ADCY3: variants seen among roughly 807,000 people sequenced by gnomAD.
ADCY3 encodes adenylate cyclase 3.
Under a neutral mutation model 119.4 loss-of-function variants are expected in ADCY3, and 70 were observed. That is an observed-to-expected ratio of 0.59 (90% CI 0.48 to 0.72). The LOEUF (loss-of-function observed/expected upper bound fraction) is 0.72, where lower values mean the gene tolerates loss of function less well. Ranked by LOEUF, ADCY3 falls within the 30% of genes least tolerant of loss-of-function variation. The probability of loss-of-function intolerance (pLI) is 0.00; values close to 1 mark genes in which losing one functional copy is unlikely to be tolerated. For missense variants in ADCY3, 1,238 were observed against 1,541.6 expected (o/e 0.80, Z 3.30); for synonymous variants, 672 against 621.4 (o/e 1.08, Z -1.21).
At chr2:24,877,901 C>G (rs768098816) in intron 2 of ADCY3, 6 of 471,182 alleles carry the variant, frequency 1.3e-5, no homozygotes, top group Non-Finnish European at 2.6e-5. Context: ...CTGCCCAGTC[C>G]CGGGTCCTGG....
chr2:24,876,619 G>A (rs556920324), intron 2 of ADCY3, among the ~76,000 whole-genome samples: 79 of 152,248 alleles, frequency 5.2e-4, no homozygotes, highest in Admixed American at 1.0e-3. Flanking sequence ...TAGGAGGGAC[G>A]GTGGCGTGAC....
intron 3 of ADCY3, among the ~76,000 whole-genome samples, chr2:24,863,716 C>T (rs1306686647): frequency 6.6e-6 from 1 of 152,180 alleles, no homozygotes; most frequent in Non-Finnish European, 1.5e-5. Flanking sequence ...ATTGTATATT[C>T]TTGCCAAATA....
chr2:24,831,595 C>T, intron 12 of ADCY3, 67 bp downstream of exon 12: 1 of 1,249,784 alleles, frequency 8.0e-7, no homozygotes, highest in South Asian at 1.2e-5. Flanking sequence ...TCCATCACTG[C>T]CCAGTTTTAC....
At position 24,879,146 on chromosome 2, in the gene ADCY3, C is replaced by A. The variant is rs190002932; in HGVS notation, c.676-6427G>T. Among the ~76,000 whole-genome samples, 30 of 152,244 alleles carry A rather than the reference C, an allele frequency of 2.0e-4. No individual in the cohort carries two copies. In the East Asian group the frequency reaches 4.4e-3, roughly 23 times the overall value. On this transcript the variant is annotated intron_variant, in intron 2 of 21. Transcript: ENST00000679454. The stretch of plus-strand genomic sequence containing the variant: ...CTGCCTCTCTGACATGGCTCCTCAC[C>A]CTTGCAGTAACCCCACAGGCTGTTC...
intron 2 of ADCY3, among the ~76,000 whole-genome samples, chr2:24,884,114 T>G (rs1386267174): frequency 6.6e-6 from 1 of 152,162 alleles, no homozygotes; most frequent in African/African-American, 2.4e-5. Flanking sequence ...CAGCATTTTT[T>G]TTTTCCAGTC....
rs74636114 is a variant in ADCY3, at chr2:24,903,343, A to G, written c.675+14970T>C. Among the ~76,000 whole-genome samples the G allele has an allele frequency of 1.0e-3, 155 of 152,034 alleles. 3 individuals are homozygous for G. In the East Asian group the frequency reaches 0.012, roughly 12 times the overall value. On this transcript the variant is annotated intron_variant, in intron 2 of 21. Transcript: ENST00000679454. ...ATTCCCTTTTTTGGTGTACAGTTCTATGTTCTGACACACAGTCATGTAACC... is the reference window on the plus strand; with the variant it reads ...ATTCCCTTTTTTGGTGTACAGTTCTGTGTTCTGACACACAGTCATGTAACC...
chr2:24,900,066 A>G (rs548129750), intron 2 of ADCY3, among the ~76,000 whole-genome samples: 1 of 151,044 alleles, frequency 6.6e-6, no homozygotes, highest in South Asian at 2.1e-4. Context: ...CAGTGAATAC[A>G]TTTGTTACTT....
intron 2 of ADCY3, among the ~76,000 whole-genome samples, chr2:24,916,155 T>C (rs567168741): frequency 1.3e-5 from 2 of 152,384 alleles, no homozygotes; most frequent in Admixed American, 6.5e-5. Flanking sequence ...TCTTTTTTTT[T>C]CTGTTTTCTA....
Position 24,912,921 on chromosome 2 carries a change from T to C in ADCY3, c.675+5392A>G, listed in dbSNP as rs11690467. Among the ~76,000 whole-genome samples, 673 of 152,244 alleles carry C rather than the reference T, an allele frequency of 4.4e-3. 6 individuals are homozygous for C. The highest frequency in any genetic ancestry group is 0.02 in the Middle Eastern group (6 of 294). On this transcript the variant is annotated intron_variant, in intron 2 of 21. Coordinates refer to ENST00000679454, the MANE Select transcript of ADCY3 (RefSeq NM_004036.5). ...ATGGAGGGGTTGATTTTCTGCAAAG[T>C]TGTTTACATGTTCAATGACTGATTA... is the stretch of plus-strand genomic sequence containing the variant.
intron 14 of ADCY3, 92 bp from the exon 15 acceptor site, chr2:24,827,700 G>A (rs1173919975): frequency 1.3e-5 from 19 of 1,445,164 alleles, no homozygotes; most frequent in Middle Eastern, 1.8e-4. Context: ...TCCTCCACTC[G>A]GGGAGAATGG....
chr2:24,890,411 T>C (rs890652248), intron 2 of ADCY3, among the ~76,000 whole-genome samples: 2 of 152,242 alleles, frequency 1.3e-5, no homozygotes, highest in African/African-American at 2.4e-5. Flanking sequence ...TATTTCATTT[T>C]TAAATGTCTG....
At chr2:24,865,485 T>C (rs1674169139) in intron 3 of ADCY3, among the ~76,000 whole-genome samples, 1 of 124,428 alleles carries the variant, frequency 8.0e-6, no homozygotes, top group South Asian at 2.6e-4. Context: ...GAATAGGCTA[T>C]CATCTGTGTG....
intron 8 of ADCY3, 73 bp from the exon 9 acceptor site, chr2:24,837,118 A>G: frequency 2.0e-6 from 3 of 1,521,046 alleles, no homozygotes; most frequent in Non-Finnish European, 2.7e-6. Flanking sequence ...GGAAGTGACA[A>G]GGGCGTGGGA....
intron 3 of ADCY3, among the ~76,000 whole-genome samples, chr2:24,860,755 A>C (rs1259345525): frequency 1.3e-5 from 2 of 152,178 alleles, no homozygotes; most frequent in Admixed American, 1.3e-4. Context: ...GTTGACTGTC[A>C]TTAGGAGGCT....
At chr2:24,903,149 C>CAAA (rs57777144) in intron 2 of ADCY3, among the ~76,000 whole-genome samples, 2 of 95,478 alleles carry the variant, frequency 2.1e-5, no homozygotes, top group African/African-American at 3.5e-5. Flanking sequence ...ACTCTATCTC[C>CAAA]AAAAAAAAAA....
chr2:24,865,678 T>C (rs967840667), intron 3 of ADCY3, among the ~76,000 whole-genome samples: 9 of 152,160 alleles, frequency 5.9e-5, no homozygotes, highest in Non-Finnish European at 1.0e-4. Context: ...TTTACGATTT[T>C]ATACATGTAT....
rs1664778183 is a variant in ADCY3, at chr2:24,918,835, G to A, written c.153C>T (p.Arg51=). Reference sequence around the variant, plus strand: ...CCGGCACGAAAGTCAGCCGCATGAAGCGAGGCAGGCACAGGCAGGAGCCCG... The same window carrying A: ...CCGGCACGAAAGTCAGCCGCATGAAACGAGGCAGGCACAGGCAGGAGCCCG... The part of the protein sequence containing the change: ...RNSGSCLCLP[R]FMRLTFVPES... The change falls in exon 2 of 22, where the codon CGC becomes CGT. Residue 51 remains arginine, a synonymous_variant. Coordinates refer to ENST00000679454, the MANE Select transcript of ADCY3 (RefSeq NM_004036.5). The surrounding 1 kb of genome is among the most constrained non-coding windows in gnomAD (Gnocchi z 5.4). 1.9e-6 allele frequency: 3 copies of A among 1,613,658 alleles called. No homozygotes were observed. In the Middle Eastern group the frequency reaches 4.9e-4, roughly 266 times the overall value.
intron 3 of ADCY3, among the ~76,000 whole-genome samples, chr2:24,867,865 C>G (rs1426255377): frequency 6.6e-6 from 1 of 152,086 alleles, no homozygotes; most frequent in African/African-American, 2.4e-5. Flanking sequence ...TGAACTAAAA[C>G]ACATTATACT....
rs188342328 is a variant in ADCY3, at chr2:24,829,629, A to G, written c.2172+1080T>C. Among the ~76,000 whole-genome samples the G allele has an allele frequency of 7.8e-4, 117 of 150,924 alleles. 1 individual carries two copies. In the East Asian group the frequency reaches 0.017, roughly 21 times the overall value. On this transcript the variant is annotated intron_variant, in intron 13 of 21. Coordinates refer to ENST00000679454, the MANE Select transcript of ADCY3 (RefSeq NM_004036.5). ...GTAGAGACGGGGTTTCAACTGTGTT[A>G]GCCAGGATGATTTCGATCTCCTGAC...
Sources: gnomAD v4.1 joint callset for allele counts (sites outside exome capture counted in the v4.1 genomes callset) on GRCh38, gnomAD v4.1.1 for gene constraint, Gnocchi (gnomAD v3.1) non-coding constraint, MANE v1.5 for transcripts, NCBI Gene and HGNC (gene_info 2026-07-23, HGNC 2026-07-21) for gene names.